The following PHF8 variants were observed in gnomAD, a reference collection of about 807,000 sequenced individuals.
PHF8 encodes the protein PHD finger protein 8, also known as histone lysine demethylase PHF8.
In PHF8, 9 loss-of-function variants were observed where a neutral mutation model predicts 74.4. The ratio of observed to expected loss-of-function variants is 0.12; its 90% CI spans 0.07 to 0.21. PHF8 has a LOEUF of 0.21. PHF8 is among the 10% of genes least tolerant of loss of function. The probability of loss-of-function intolerance (pLI) is 1.00; values close to 1 mark genes in which losing one functional copy is unlikely to be tolerated. For missense variants in PHF8, 478 were observed against 816.6 expected, an observed-to-expected ratio of 0.59 and a Z score of 5.05; for synonymous variants, 311 against 316.6, an observed-to-expected ratio of 0.98 and a Z score of 0.19.
chrX:54,003,650 A>G (rs989688833), intron 8 of PHF8, among the ~76,000 whole-genome samples: 1 of 111,965 alleles, frequency 8.9e-6, no homozygotes, highest in African/African-American at 3.2e-5. Flanking sequence ...GGCATGAGCC[A>G]CTGCACCCGG....
intron 2 of PHF8, among the ~76,000 whole-genome samples, chrX:54,037,000 T>TAAAAAAAA (rs56902207): frequency 1.3e-4 from 8 of 63,203 alleles, no homozygotes; most frequent in East Asian, 4.9e-4. Context: ...TCAGAAAAAA[T>TAAAAAAAA]AAAAAAAAAA....
At chrX:54,044,673 G>A (rs1235812779), upstream of PHF8, among the ~76,000 whole-genome samples, 2 of 112,986 alleles carry the variant, frequency 1.8e-5, no homozygotes, top group African/African-American at 6.4e-5. Context: ...CAGACGTTTG[G>A]CTCCATTTTG....
intron 18 of PHF8, among the ~76,000 whole-genome samples, chrX:53,980,727 T>C (rs182136123): frequency 7.0e-4 from 79 of 112,281 alleles, no homozygotes; most frequent in Non-Finnish European, 1.3e-3. Context: ...GTATTAGCAA[T>C]AGCCAATTAG....
chrX:54,031,330 C>T (rs985901675), intron 2 of PHF8, among the ~76,000 whole-genome samples: 2 of 110,160 alleles, frequency 1.8e-5, no homozygotes, highest in Non-Finnish European at 3.8e-5. Flanking sequence ...TCTGAGGGTA[C>T]CCAAGGATCC....
chrX:53,967,155 CCGCCCGGCCAGCCGCCCCG>C (rs1557093051), intron 18 of PHF8, among the ~76,000 whole-genome samples: 7 of 109,785 alleles, frequency 6.4e-5, no homozygotes, highest in African/African-American at 1.3e-4. Flanking sequence ...GGTCAGCCCC[CCGCCCGGCCAGCCGCCCCG>C]TCCGGGAGGT....
chrX:53,964,757 C>G (rs1471305166), intron 18 of PHF8, among the ~76,000 whole-genome samples: 2 of 108,790 alleles, frequency 1.8e-5, no homozygotes, highest in Non-Finnish European at 3.8e-5. Flanking sequence ...ATCCCAGCTA[C>G]TCAGGAGGCT....
intron 10 of PHF8, 84 bp downstream of exon 10, chrX:54,002,071 T>A (rs1363970087): frequency 1.6e-5 from 9 of 553,732 alleles, no homozygotes; most frequent in Non-Finnish European, 3.0e-5. Context: ...GTATCATGTC[T>A]TGACTGCGTT....
intron 11 of PHF8, 48 bp from the exon 12 acceptor site, chrX:53,995,830 C>G (rs2065737718): frequency 1.2e-6 from 1 of 803,300 alleles, no homozygotes; most frequent in Non-Finnish European, 1.9e-6. Flanking sequence ...AAAGAGACAA[C>G]TGATTTTGGA....
intron 19 of PHF8, 73 bp from the exon 20 acceptor site, chrX:53,944,316 A>C: frequency 5.3e-6 from 4 of 752,973 alleles, no homozygotes; most frequent in Non-Finnish European, 6.1e-6. Context: ...CCTACCTCCA[A>C]GCTCTCCAAA....
intron 2 of PHF8, among the ~76,000 whole-genome samples, chrX:54,029,488 G>C (rs1263172422): frequency 8.0e-5 from 9 of 112,511 alleles, no homozygotes; most frequent in Non-Finnish European, 1.5e-4. Context: ...GAAATGAAAA[G>C]TGGGAGCTCC....
chrX:54,001,576 C>T (rs1482334946), intron 10 of PHF8, among the ~76,000 whole-genome samples: 3 of 110,926 alleles, frequency 2.7e-5, no homozygotes, highest in Non-Finnish European at 3.8e-5. Flanking sequence ...CCAGAAGTTA[C>T]GGATGGTACA....
chrX:53,987,021 GT>G (rs2149830545), intron 16 of PHF8, 56 bp downstream of exon 16: 1 of 714,963 alleles, frequency 1.4e-6, no homozygotes, highest in African/African-American at 2.1e-5. Context: ...ATGACAATCT[GT>G]CTTCTGTCTC....
intron 1 of PHF8, 145 bp from the exon 2 acceptor site, chrX:54,042,965 C>T: frequency 1.8e-6 from 1 of 545,517 alleles, no homozygotes. Context: ...AGAAAGTCCA[C>T]CCGGCCCTTA....
At chrX:54,007,832 A>G (rs1236118815) in intron 8 of PHF8, among the ~76,000 whole-genome samples, 1 of 112,181 alleles carries the variant, frequency 8.9e-6, no homozygotes, top group Non-Finnish European at 1.9e-5. Flanking sequence ...AGCTGCTTTG[A>G]AAACAGTTTG....
At chrX:54,013,450 T>A (rs181045922) in intron 7 of PHF8, among the ~76,000 whole-genome samples, 45 of 111,868 alleles carry the variant, frequency 4.0e-4, no homozygotes, top group African/African-American at 1.5e-3. Flanking sequence ...AAGTTTCTCA[T>A]GTTACCAGGA....
intron 18 of PHF8, among the ~76,000 whole-genome samples, chrX:53,967,315 T>TG (rs1557093182): frequency 1.2e-4 from 6 of 50,350 alleles, no homozygotes; most frequent in Non-Finnish European, 2.3e-4. Flanking sequence ...GGGAGGGAGG[T>TG]GGGGGGGTCA....
chrX:53,986,560 TA>T (rs782254787), intron 16 of PHF8, among the ~76,000 whole-genome samples: 2 of 112,791 alleles, frequency 1.8e-5, no homozygotes, highest in African/African-American at 6.4e-5. Context: ...TATTCTGTAT[TA>T]AAGGATGTTT....
rs972470597 is a variant in PHF8, at chrX:54,044,327, G to A, written c.-658C>T. On this transcript the variant is annotated 5_prime_UTR_variant, in exon 1 of 22. Coordinates refer to ENST00000338154, the MANE Select transcript of PHF8 (RefSeq NM_015107.3). ...CAGTGGCGGTGGTAGGCAATTCGGA[G>A]TAGTCAATAAAGTTTATTCAAAACA... is the stretch of plus-strand genomic sequence containing the variant. 4 of 753,185 alleles carry A rather than the reference G, an allele frequency of 5.3e-6. No individual in the cohort carries two copies. The highest frequency in any genetic ancestry group is 2.3e-5 in the African/African-American group (1 of 43,748). 62.1% of individuals were successfully genotyped at this position (753,185 alleles called of 1,213,427 possible).
intron 2 of PHF8, among the ~76,000 whole-genome samples, chrX:54,041,702 T>C (rs1241015648): frequency 8.9e-6 from 1 of 112,935 alleles, no homozygotes; most frequent in African/African-American, 3.2e-5. Flanking sequence ...CCAGCATCTA[T>C]TCTGCTTAAT....
Sources: allele counts gnomAD v4.1 joint callset (sites outside exome capture counted in the v4.1 genomes callset), GRCh38; gene constraint gnomAD v4.1.1; transcripts MANE v1.5; gene names NCBI Gene and HGNC (gene_info 2026-07-23, HGNC 2026-07-21).